Variants in CHSY1 observed in about 807,000 individuals in gnomAD.
The protein encoded by CHSY1 is chondroitin sulfate synthase 1, also known as N-acetylgalactosaminyl-proteoglycan 3-beta-glucuronosyltransferase 1.
In CHSY1, 13 loss-of-function variants were observed where a neutral mutation model predicts 59.8. The ratio of observed to expected loss-of-function variants is 0.22; its 90% CI spans 0.14 to 0.35. The LOEUF (loss-of-function observed/expected upper bound fraction) is 0.35, where lower values mean the gene tolerates loss of function less well. Ranked by LOEUF, CHSY1 falls within the 10% of genes least tolerant of loss-of-function variation. The pLI is 1.00. For missense variants in CHSY1, 947 were observed against 1,030.6 expected, an observed-to-expected ratio of 0.92 and a Z score of 1.11; for synonymous variants, 459 against 401.2, an observed-to-expected ratio of 1.14 and a Z score of -1.72.
At chr15:101,180,197 A>C (rs1047006544) in intron 2 of CHSY1, among the ~76,000 whole-genome samples, 8 of 152,222 alleles carry the variant, frequency 5.3e-5, no homozygotes, top group Non-Finnish European at 1.0e-4. Context: ...TTTTCTCATA[A>C]GGTAAAAAGT....
chr15:101,214,949 CTT>C (rs1354373865), intron 2 of CHSY1, among the ~76,000 whole-genome samples: 7 of 152,216 alleles, frequency 4.6e-5, no homozygotes, highest in Admixed American at 2.6e-4. Context: ...GTGCTGTTCT[CTT>C]GACAGTGAGT....
intron 1 of CHSY1, among the ~76,000 whole-genome samples, chr15:101,240,368 A>G (rs1306798049): frequency 1.3e-5 from 2 of 152,212 alleles, no homozygotes; most frequent in East Asian, 1.9e-4. Flanking sequence ...TGCAATATCA[A>G]CAAGTCCAGT....
intron 2 of CHSY1, among the ~76,000 whole-genome samples, chr15:101,221,002 G>A (rs947115915): frequency 5.9e-5 from 9 of 151,768 alleles, no homozygotes; most frequent in Non-Finnish European, 1.3e-4. Context: ...TCCATCAGTC[G>A]GCCGCCTTAT....
chr15:101,247,160 A>AG (rs2039060030), intron 1 of CHSY1, among the ~76,000 whole-genome samples: 1 of 152,158 alleles, frequency 6.6e-6, no homozygotes, highest in Non-Finnish European at 1.5e-5. Flanking sequence ...ACTGGACACT[A>AG]GCGAGCCCCT....
chr15:101,234,635 G>A (rs2038922397), intron 2 of CHSY1, among the ~76,000 whole-genome samples: 1 of 152,228 alleles, frequency 6.6e-6, no homozygotes, highest in African/African-American at 2.4e-5. Context: ...TTGGGAGGCT[G>A]AGGCAGGCAG....
intron 2 of CHSY1, among the ~76,000 whole-genome samples, chr15:101,205,730 T>C (rs1246273338): frequency 6.6e-6 from 1 of 152,052 alleles, no homozygotes; most frequent in Non-Finnish European, 1.5e-5. Context: ...GGTGGGTGGA[T>C]CACGAGATCA....
At chr15:101,227,639 G>T (rs2038854086) in intron 2 of CHSY1, among the ~76,000 whole-genome samples, 1 of 152,168 alleles carries the variant, frequency 6.6e-6, no homozygotes, top group African/African-American at 2.4e-5. Flanking sequence ...ACCCAAGAAG[G>T]CCCTAAGCTC....
At chr15:101,195,518 T>C (rs2038495007) in intron 2 of CHSY1, among the ~76,000 whole-genome samples, 1 of 152,358 alleles carries the variant, frequency 6.6e-6, no homozygotes, top group East Asian at 1.9e-4. Context: ...AAACTTTTTA[T>C]TACATTTTTT....
chr15:101,223,009 A>G (rs184226867), intron 2 of CHSY1, among the ~76,000 whole-genome samples: 1 of 152,280 alleles, frequency 6.6e-6, no homozygotes, highest in East Asian at 1.9e-4. Flanking sequence ...TAACTACTTT[A>G]TTTGAGACAG....
intron 2 of CHSY1, among the ~76,000 whole-genome samples, chr15:101,195,078 A>T (rs528420096): frequency 6.6e-6 from 1 of 152,334 alleles, no homozygotes; most frequent in East Asian, 1.9e-4. Context: ...AAACATTTAC[A>T]TCACTTACGA....
chr15:101,225,557 C>G (rs543499531), intron 2 of CHSY1, among the ~76,000 whole-genome samples: 40 of 152,160 alleles, frequency 2.6e-4, no homozygotes, highest in Non-Finnish European at 4.6e-4. Context: ...GTGCTGTCCT[C>G]CTAACAGTGA....
In CHSY1 at chr15:101,178,300, C is replaced by G. The variant is rs760201287; in HGVS notation, c.1497G>C (p.Gln499His). 6.2e-7 allele frequency: 1 copy of G among 1,609,498 alleles called. No homozygotes were observed. Among genetic ancestry groups the G allele is most frequent in the Non-Finnish European group, 8.5e-7 (1 of 1,176,184 alleles). The change falls in exon 3 of 3, where the codon CAG (glutamine) becomes CAC (histidine). Residue 499 changes from glutamine to histidine, a missense_variant. Around this residue, in one of 4 missense-constraint regions of CHSY1, gnomAD observed 602 missense variants for 676.9 expected, o/e 0.89. Coordinates refer to ENST00000254190, the MANE Select transcript of CHSY1 (RefSeq NM_014918.5). The stretch of plus-strand genomic sequence containing the variant: ...AGAGAAAGGACAAGGATCCAGATTC[C>G]TGATTGATTCTCTTGGCCAACTCTT... ...DAQELAKRIN[Q>H]ESGSLSFLSN...
chr15:101,229,342 CA>C (rs1291270761), intron 2 of CHSY1, among the ~76,000 whole-genome samples: 1 of 152,042 alleles, frequency 6.6e-6, no homozygotes, highest in Non-Finnish European at 1.5e-5. Context: ...TTCAAAGACA[CA>C]AACAAGTTGA....
chr15:101,205,819 T>G (rs112304303), intron 2 of CHSY1, among the ~76,000 whole-genome samples: 8 of 151,852 alleles, frequency 5.3e-5, no homozygotes, highest in African/African-American at 1.7e-4. Flanking sequence ...GGCGTGGTGG[T>G]GGGCGCCCGT....
Position 101,178,108 on chromosome 15 carries a change from C to T in CHSY1, c.1689G>A (p.Gln563=), listed in dbSNP as rs761401345. 1.5e-5 allele frequency: 24 copies of T among 1,614,072 alleles called. No homozygotes were observed. The highest frequency in any genetic ancestry group is 2.0e-5 in the Non-Finnish European group (24 of 1,180,018). Reference sequence around the variant, plus strand: ...AAAGCAGAACCACGAGCTTGACGTTCTGATTGGGGATAAGACACGTCTTCT... The same window carrying T: ...AAAGCAGAACCACGAGCTTGACGTTTTGATTGGGGATAAGACACGTCTTCT... ...NFEKTCLIPN[Q]NVKLVVLLFN... The change falls in exon 3 of 3, where the codon CAG becomes CAA. Residue 563 remains glutamine (Q), a synonymous_variant. Transcript: ENST00000254190.
chr15:101,205,260 G>A (rs1481639994), intron 2 of CHSY1, among the ~76,000 whole-genome samples: 1 of 151,722 alleles, frequency 6.6e-6, no homozygotes, highest in Non-Finnish European at 1.5e-5. Flanking sequence ...CTGCTGTGCT[G>A]TGGGCATGAC....
chr15:101,177,124 A>AT lies in CHSY1; in HGVS notation c.*263dup, dbSNP rs531429027. The AT allele has an allele frequency of 1.1e-3, 410 of 374,274 alleles. 4 individuals are homozygous for AT. The highest frequency in any genetic ancestry group is 7.1e-3 in the African/African-American group (338 of 47,874). The allele number at this position is 374,274 out of a possible 1,614,324, so 23.2% of individuals were successfully genotyped here. ...GGAGCAAAGGGTCTCAAAAGAAAAC[A>AT]TTTTTTTAAAAAAGTTTTGTTCATC... is the stretch of plus-strand genomic sequence containing the variant. On this transcript the variant is annotated 3_prime_UTR_variant, in exon 3 of 3. Transcript: ENST00000254190.
rs936882279 is a variant in CHSY1, at chr15:101,251,617, C to T, written c.-161G>A. 6.2e-5 allele frequency: 9 copies of T among 146,158 alleles called. No homozygotes were observed. The highest frequency in any genetic ancestry group is 2.2e-4 in the African/African-American group (9 of 40,676). 9.1% of individuals were successfully genotyped at this position (146,158 alleles called of 1,614,324 possible). A position where few individuals can be genotyped will look rare whatever the true frequency, so the allele number is the denominator to read the frequency against. On this transcript the variant is annotated 5_prime_UTR_variant, in exon 1 of 3. Transcript: ENST00000254190. Reference sequence around the variant, plus strand: ...GCCGCGCCCATCGCGGCCCCCGAGCCGCCCGCAGGCCCCGCGCCGGCGCTT... The same window carrying T: ...GCCGCGCCCATCGCGGCCCCCGAGCTGCCCGCAGGCCCCGCGCCGGCGCTT...
chr15:101,212,152 A>G (rs1428977520), intron 2 of CHSY1, among the ~76,000 whole-genome samples: 1 of 152,202 alleles, frequency 6.6e-6, no homozygotes. Flanking sequence ...ACCATAAAAG[A>G]CTGAGAATGC....
Sources: gnomAD v4.1 joint callset for allele counts (sites outside exome capture counted in the v4.1 genomes callset) on GRCh38, gnomAD v4.1.1 for gene constraint, gnomAD v4.1.1 regional missense constraint, MANE v1.5 for transcripts, NCBI Gene and HGNC (gene_info 2026-07-23, HGNC 2026-07-21) for gene names.